Variants in SEMA5B observed in about 807,000 individuals in gnomAD.
SEMA5B encodes semaphorin 5B.
Under a neutral mutation model 135.0 loss-of-function variants are expected in SEMA5B, and 66 were observed. The ratio of observed to expected loss-of-function variants is 0.49; its 90% CI spans 0.40 to 0.60. The LOEUF (loss-of-function observed/expected upper bound fraction) is 0.60. SEMA5B is among the 20% of genes least tolerant of loss of function. SEMA5B has a pLI of 0.00. For synonymous variants in SEMA5B, 690 were observed against 639.5 expected, an observed-to-expected ratio of 1.08 and a Z score of -1.19; for missense variants, 1,501 against 1,566.3, an observed-to-expected ratio of 0.96 and a Z score of 0.70.
chr3:122,990,810 T>A (rs1285357771), intron 1 of SEMA5B, among the ~76,000 whole-genome samples: 2 of 152,154 alleles, frequency 1.3e-5, no homozygotes, highest in Non-Finnish European at 2.9e-5. Flanking sequence ...AGATGAGACT[T>A]AATCCAAGCA....
In SEMA5B at chr3:122,910,720, G is replaced by T. The variant is rs1384339957; in HGVS notation, c.3297+120C>A. 1.4e-5 allele frequency: 11 copies of T among 760,636 alleles called. No individual in the cohort carries two copies. The East Asian group carries it at 3.1e-4, about 21-fold the overall frequency. The allele number at this position is 760,636 out of a possible 1,614,324, so 47.1% of individuals were successfully genotyped here. A position where few individuals can be genotyped will look rare whatever the true frequency, so the allele number is the denominator to read the frequency against. On this transcript the variant is annotated intron_variant, in intron 22 of 22. Coordinates refer to ENST00000357599, the MANE Select transcript of SEMA5B (RefSeq NM_001031702.4). ...AGCTACTTGGGAGGCTGAGGCAGGAGAATGGCGTGAACCCGGGAGGCAGAG... is the reference window on the plus strand; with the variant it reads ...AGCTACTTGGGAGGCTGAGGCAGGATAATGGCGTGAACCCGGGAGGCAGAG...
intron 1 of SEMA5B, among the ~76,000 whole-genome samples, chr3:123,014,473 A>G (rs1942507212): frequency 1.3e-5 from 2 of 152,236 alleles, no homozygotes; most frequent in African/African-American, 4.8e-5. Context: ...TATAAGCTAG[A>G]AAGAGGAAGC....
intron 5 of SEMA5B, among the ~76,000 whole-genome samples, chr3:122,931,119 T>C (rs1002625087): frequency 2.6e-5 from 4 of 152,242 alleles, no homozygotes; most frequent in Non-Finnish European, 5.9e-5. Flanking sequence ...TATTAAAATG[T>C]ATTAATTAAA....
chr3:122,979,473 C>T (rs867014380), intron 1 of SEMA5B, among the ~76,000 whole-genome samples: 1 of 152,202 alleles, frequency 6.6e-6, no homozygotes, highest in Non-Finnish European at 1.5e-5. Context: ...GTGTAAATAG[C>T]ACTTACTTTC....
At chr3:122,942,431 A>G (rs1022763571) in intron 4 of SEMA5B, among the ~76,000 whole-genome samples, 1 of 152,156 alleles carries the variant, frequency 6.6e-6, no homozygotes. Flanking sequence ...CCTCTCCCCA[A>G]CCCCACACCC....
intron 2 of SEMA5B, among the ~76,000 whole-genome samples, chr3:122,954,480 C>T (rs1479182085): frequency 6.6e-6 from 1 of 152,242 alleles, no homozygotes; most frequent in East Asian, 1.9e-4. Flanking sequence ...TCCTCGCCTT[C>T]CTCCTTTCTA....
intron 1 of SEMA5B, chr3:122,975,884 G>T: frequency 2.9e-6 from 4 of 1,359,260 alleles, no homozygotes; most frequent in Non-Finnish European, 4.0e-6. Context: ...GCATAGCAAG[G>T]ACTCTCCATC....
chr3:123,020,187 G>A (rs1449543251), intron 1 of SEMA5B, among the ~76,000 whole-genome samples: 2 of 152,170 alleles, frequency 1.3e-5, no homozygotes, highest in South Asian at 2.1e-4. Flanking sequence ...CAATTTAAAT[G>A]TCCAACCACG....
intron 5 of SEMA5B, among the ~76,000 whole-genome samples, chr3:122,939,072 G>T (rs1002092258): frequency 6.6e-6 from 1 of 152,200 alleles, no homozygotes; most frequent in Non-Finnish European, 1.5e-5. Context: ...AACCCAGTTT[G>T]CCCAGTATTG....
chr3:123,021,464 G>A (rs1241221367), intron 1 of SEMA5B, among the ~76,000 whole-genome samples: 1 of 152,164 alleles, frequency 6.6e-6, no homozygotes, highest in African/African-American at 2.4e-5. Context: ...GGCACCGAAA[G>A]CAGGGAAAGA....
chr3:122,967,781 T>C (rs1356582352), intron 1 of SEMA5B, among the ~76,000 whole-genome samples: 2 of 152,266 alleles, frequency 1.3e-5, no homozygotes, highest in East Asian at 3.8e-4. Flanking sequence ...CTTTGCTTCT[T>C]CCAGGGAAAC....
At chr3:122,912,615 T>G (rs1340494152) in intron 18 of SEMA5B, among the ~76,000 whole-genome samples, 3 of 138,060 alleles carry the variant, frequency 2.2e-5, no homozygotes, top group Non-Finnish European at 3.1e-5. Context: ...CTAAGAAAGG[T>G]GAAAAAAAAA....
chr3:122,974,605 A>G (rs1941247149), intron 1 of SEMA5B, among the ~76,000 whole-genome samples: 1 of 151,140 alleles, frequency 6.6e-6, no homozygotes, highest in Admixed American at 6.6e-5. Flanking sequence ...TGAGCAGGCC[A>G]TGGGGCTTGG....
intron 1 of SEMA5B, among the ~76,000 whole-genome samples, chr3:122,987,386 G>A (rs958235174): frequency 6.6e-6 from 1 of 152,202 alleles, no homozygotes; most frequent in African/African-American, 2.4e-5. Flanking sequence ...ATGGCTGCAG[G>A]TGGGCAGGCA....
intron 1 of SEMA5B, among the ~76,000 whole-genome samples, chr3:122,985,723 G>A (rs1016429342): frequency 3.3e-5 from 5 of 152,258 alleles, no homozygotes; most frequent in Admixed American, 6.5e-5. Flanking sequence ...GTGTGAGCTC[G>A]GAGAAAGCTA....
intron 1 of SEMA5B, among the ~76,000 whole-genome samples, chr3:122,967,004 C>A (rs998577852): frequency 1.1e-4 from 17 of 151,618 alleles, no homozygotes; most frequent in African/African-American, 3.9e-4. Context: ...CCTGCCTCAG[C>A]CTCCTGAGTA....
chr3:122,921,756 C>T (rs188537038), intron 12 of SEMA5B, among the ~76,000 whole-genome samples, 159 bp downstream of exon 12: 1 of 152,230 alleles, frequency 6.6e-6, no homozygotes, highest in South Asian at 2.1e-4. Context: ...AGATGTTTTA[C>T]GAGGAGAGAA....
intron 1 of SEMA5B, among the ~76,000 whole-genome samples, chr3:123,014,776 G>C (rs2877680): frequency 2.0e-5 from 3 of 152,150 alleles, no homozygotes; most frequent in Non-Finnish European, 2.9e-5. Context: ...ATGTAGTCTC[G>C]AAACAGGAGG....
chr3:122,984,645 G>T (rs1028890432), intron 1 of SEMA5B, among the ~76,000 whole-genome samples: 1 of 152,082 alleles, frequency 6.6e-6, no homozygotes, highest in Non-Finnish European at 1.5e-5. Context: ...TTTGGGTAAT[G>T]GGTACGCTAG....
Sources: gnomAD v4.1 joint callset for allele counts (sites outside exome capture counted in the v4.1 genomes callset) on GRCh38, gnomAD v4.1.1 for gene constraint, MANE v1.5 for transcripts, NCBI Gene and HGNC (gene_info 2026-07-23, HGNC 2026-07-21) for gene names.